The following OSBPL8 variants were observed in gnomAD, a reference collection of about 807,000 sequenced individuals.
OSBPL8 encodes oxysterol binding protein like 8, also known as oxysterol-binding protein-related protein 8.
In OSBPL8, 59 loss-of-function variants were observed where a neutral mutation model predicts 125.5. The ratio of observed to expected loss-of-function variants is 0.47; its 90% confidence interval spans 0.38 to 0.58. The LOEUF is 0.58. OSBPL8 is among the 20% of genes least tolerant of loss of function. The pLI, the probability that OSBPL8 is intolerant of heterozygous loss-of-function variation, is 0.00. For missense variants in OSBPL8, 758 were observed against 1,047.8 expected (o/e 0.72, Z 3.82); for synonymous variants, 330 against 338.9 (o/e 0.97, Z 0.29).
At position 76,351,911 on chromosome 12, in the gene OSBPL8, ATAGAT is replaced by A. The variant is rs1017547973; in HGVS notation, c.*3973_*3977del. On this transcript the variant is annotated 3_prime_UTR_variant, in exon 24 of 24. Transcript: ENST00000261183. ...AAACAGTTATAATAGGTTAGGAATA[ATAGAT>A]TAGAAATGTACTACATTACAAAACA... 5 of 152,230 alleles carry A rather than the reference ATAGAT, an allele frequency of 3.3e-5. No individual in the cohort carries two copies. The highest frequency in any genetic ancestry group is 7.2e-5 in the African/African-American group (3 of 41,444). 9.4% of individuals were successfully genotyped at this position (152,230 alleles called of 1,614,324 possible). A position where few individuals can be genotyped will look rare whatever the true frequency, so the allele number is the denominator to read the frequency against.
At chr12:76,431,961 G>A (rs1870883396) in intron 4 of OSBPL8, among the ~76,000 whole-genome samples, 2 of 152,008 alleles carry the variant, frequency 1.3e-5, no homozygotes, top group South Asian at 4.1e-4. Flanking sequence ...GCACTCTTCA[G>A]GATAGATCCT....
chr12:76,546,000 A>G (rs1950772502), intron 1 of OSBPL8, among the ~76,000 whole-genome samples: 1 of 152,160 alleles, frequency 6.6e-6, no homozygotes, highest in Admixed American at 6.6e-5. Context: ...CAGCCAAACA[A>G]GGACTGAAAA....
chr12:76,544,227 T>C (rs1172442257), intron 1 of OSBPL8, among the ~76,000 whole-genome samples: 2 of 152,090 alleles, frequency 1.3e-5, no homozygotes, highest in Non-Finnish European at 2.9e-5. Context: ...GAAGAAACAG[T>C]TTCACCCCTG....
chr12:76,361,355 A>C (rs1386581124), intron 21 of OSBPL8, among the ~76,000 whole-genome samples: 6 of 152,184 alleles, frequency 3.9e-5, no homozygotes, highest in Admixed American at 3.3e-4. Flanking sequence ...AGACCACCTC[A>C]GCCTGGACCT....
chr12:76,363,854 A>C (rs1034301052), intron 21 of OSBPL8, among the ~76,000 whole-genome samples: 3 of 152,250 alleles, frequency 2.0e-5, no homozygotes, highest in Admixed American at 2.0e-4. Flanking sequence ...GGATATGAAC[A>C]GACACTTTTC....
intron 1 of OSBPL8, among the ~76,000 whole-genome samples, chr12:76,544,891 CTATT>C (rs1235841362): frequency 6.6e-6 from 1 of 151,772 alleles, no homozygotes; most frequent in East Asian, 1.9e-4. Context: ...AGAATACCAT[CTATT>C]TATTTCAGAG....
intron 5 of OSBPL8, among the ~76,000 whole-genome samples, chr12:76,403,839 G>GA (rs1954147689): frequency 6.6e-6 from 1 of 152,028 alleles, no homozygotes; most frequent in Non-Finnish European, 1.5e-5. Flanking sequence ...AGATTAATAA[G>GA]AACAGATAAC....
At chr12:76,526,172 G>A (rs1413594726) in intron 1 of OSBPL8, among the ~76,000 whole-genome samples, 1 of 152,120 alleles carries the variant, frequency 6.6e-6, no homozygotes, top group Admixed American at 6.5e-5. Flanking sequence ...TTTCTACATA[G>A]AGTATTACAT....
chr12:76,397,670 C>T (rs776258507), intron 8 of OSBPL8, 24 bp downstream of exon 8: 4 of 1,597,560 alleles, frequency 2.5e-6, no homozygotes, highest in Admixed American at 3.3e-5. Context: ...TTACCTTTCA[C>T]CTATGTAACA....
At chr12:76,486,194 TG>T (rs1245148542) in intron 2 of OSBPL8, 1 of 297,426 alleles carries the variant, frequency 3.4e-6, no homozygotes, top group Non-Finnish European at 6.7e-6. Context: ...CAAGAAAGGC[TG>T]GGACCAAGTT....
At chr12:76,557,489 C>A (rs1951141323) in intron 1 of OSBPL8, among the ~76,000 whole-genome samples, 1 of 151,912 alleles carries the variant, frequency 6.6e-6, no homozygotes, top group South Asian at 2.1e-4. Context: ...GTGGCACGCA[C>A]CTGTAATCCC....
chr12:76,375,181 T>C (rs542006328), intron 17 of OSBPL8, 92 bp downstream of exon 17: 54 of 812,498 alleles, frequency 6.6e-5, no homozygotes, highest in East Asian at 4.7e-4. Flanking sequence ...TTACATTTAG[T>C]CCTTAATTAG....
At chr12:76,516,663 G>T (rs753720094) in intron 1 of OSBPL8, among the ~76,000 whole-genome samples, 5 of 151,998 alleles carry the variant, frequency 3.3e-5, no homozygotes, top group African/African-American at 9.7e-5. Flanking sequence ...TCTTTGAAAA[G>T]AATACAATTA....
intron 8 of OSBPL8, among the ~76,000 whole-genome samples, 188 bp downstream of exon 8, chr12:76,397,506 C>T (rs1953862338): frequency 6.6e-6 from 1 of 152,004 alleles, no homozygotes; most frequent in Non-Finnish European, 1.5e-5. Flanking sequence ...AAAAGTTAGA[C>T]CTCAAAGGTA....
At chr12:76,494,018 T>C (rs1408972185) in intron 1 of OSBPL8, among the ~76,000 whole-genome samples, 1 of 152,202 alleles carries the variant, frequency 6.6e-6, no homozygotes. Flanking sequence ...ACCTCTCTGT[T>C]AAACTTCTAG....
At chr12:76,397,383 C>A (rs866399986) in intron 8 of OSBPL8, among the ~76,000 whole-genome samples, 107 of 141,920 alleles carry the variant, frequency 7.5e-4, no homozygotes, top group African/African-American at 2.1e-3. Context: ...AAAAAAAAAA[C>A]CAACAACAAT....
chr12:76,491,788 T>C (rs1435018634), intron 1 of OSBPL8, among the ~76,000 whole-genome samples: 1 of 152,224 alleles, frequency 6.6e-6, no homozygotes, highest in East Asian at 1.9e-4. Flanking sequence ...GATATAAAAA[T>C]TATGTCTATG....
intron 2 of OSBPL8, among the ~76,000 whole-genome samples, chr12:76,474,351 G>A (rs1185044508): frequency 6.6e-6 from 1 of 152,020 alleles, no homozygotes; most frequent in East Asian, 1.9e-4. Context: ...AGTTTAATAG[G>A]GTGAAAACAG....
chr12:76,473,877 T>A (rs1189183980), intron 2 of OSBPL8, among the ~76,000 whole-genome samples: 4 of 152,256 alleles, frequency 2.6e-5, no homozygotes, highest in Non-Finnish European at 2.9e-5. Flanking sequence ...CTTGTCTCTG[T>A]ATCCTTGTAA....
Sources: allele counts gnomAD v4.1 joint callset (sites outside exome capture counted in the v4.1 genomes callset), GRCh38; gene constraint gnomAD v4.1.1; transcripts MANE v1.5; gene names NCBI Gene and HGNC (gene_info 2026-07-23, HGNC 2026-07-21).